Variants in CDYL2 observed in about 807,000 individuals in gnomAD.
CDYL2 encodes the protein chromodomain Y like 2.
Under a neutral mutation model 49.4 loss-of-function variants are expected in CDYL2, and 23 were observed. The ratio of observed to expected loss-of-function variants is 0.47; its 90% CI spans 0.34 to 0.66. The LOEUF (loss-of-function observed/expected upper bound fraction) is 0.66. Among genes scored for constraint, CDYL2 ranks in the 30% least tolerant of loss-of-function variants. The pLI is 0.01. For missense variants in CDYL2, 678 were observed against 656.4 expected, an observed-to-expected ratio of 1.03 and a Z score of -0.36; for synonymous variants, 360 against 268.8, an observed-to-expected ratio of 1.34 and a Z score of -3.32.
intron 2 of CDYL2, among the ~76,000 whole-genome samples, chr16:80,655,752 G>C (rs752804788): frequency 1.3e-5 from 2 of 152,146 alleles, no homozygotes; most frequent in Non-Finnish European, 2.9e-5. Flanking sequence ...TTCAAAATGT[G>C]TGCAATTCTG....
At position 80,602,790 on chromosome 16, in the gene CDYL2, GA is replaced by G. The variant is rs1373200524; in HGVS notation, c.*1597del. 2 of 152,106 alleles carry G rather than the reference GA, an allele frequency of 1.3e-5. No individual in the cohort carries two copies. The highest frequency in any genetic ancestry group is 2.4e-5 in the African/African-American group (1 of 41,406). The allele number at this position is 152,106 out of a possible 1,614,324, so 9.4% of individuals were successfully genotyped here. ...ATACGCAGGGGCTGTGATAGAAACG[GA>G]AAAAAATCCCTCCATCCTGAGAATC... On this transcript the variant is annotated 3_prime_UTR_variant, in exon 7 of 7. Transcript: ENST00000570137.
intron 1 of CDYL2, among the ~76,000 whole-genome samples, chr16:80,774,082 C>A (rs976095810): frequency 6.6e-6 from 1 of 151,840 alleles, no homozygotes; most frequent in African/African-American, 2.4e-5. Flanking sequence ...TTAAAGTGCA[C>A]ATTTATAATT....
At chr16:80,671,442 G>T (rs978365092) in intron 2 of CDYL2, among the ~76,000 whole-genome samples, 11 of 152,160 alleles carry the variant, frequency 7.2e-5, no homozygotes, top group African/African-American at 2.7e-4. Context: ...CCTGCACCTG[G>T]CCCCAGCCTG....
At chr16:80,695,973 A>C (rs1597180570) in intron 1 of CDYL2, among the ~76,000 whole-genome samples, 1 of 152,236 alleles carries the variant, frequency 6.6e-6, no homozygotes. Context: ...CACATGAAGC[A>C]TTCTCCAGGA....
At chr16:80,773,097 A>C (rs943000266) in intron 1 of CDYL2, among the ~76,000 whole-genome samples, 8 of 152,198 alleles carry the variant, frequency 5.3e-5, no homozygotes, top group Admixed American at 2.0e-4. Flanking sequence ...AAAGGTGAAA[A>C]CAAAATGACA....
At chr16:80,775,731 G>A (rs1292697823) in intron 1 of CDYL2, among the ~76,000 whole-genome samples, 2 of 151,804 alleles carry the variant, frequency 1.3e-5, no homozygotes, top group Non-Finnish European at 2.9e-5. Flanking sequence ...AATACATCTA[G>A]AAGGAGAACC....
At chr16:80,793,177 C>T (rs1597136446) in intron 1 of CDYL2, among the ~76,000 whole-genome samples, 1 of 152,312 alleles carries the variant, frequency 6.6e-6, no homozygotes, top group East Asian at 1.9e-4. Flanking sequence ...AGGCCAGCCA[C>T]TGAGGCTAGA....
chr16:80,781,840 T>C (rs1448712583), intron 1 of CDYL2, among the ~76,000 whole-genome samples: 1 of 151,878 alleles, frequency 6.6e-6, no homozygotes, highest in Non-Finnish European at 1.5e-5. Context: ...TTAGGAAATA[T>C]CTTGAGACAA....
intron 1 of CDYL2, among the ~76,000 whole-genome samples, chr16:80,748,183 T>C (rs1181408102): frequency 4.1e-5 from 6 of 148,116 alleles, no homozygotes; most frequent in Non-Finnish European, 8.9e-5. Context: ...GAAAAGAGCA[T>C]AGGCTTGGGG....
chr16:80,743,159 A>G (rs897261392), intron 1 of CDYL2, among the ~76,000 whole-genome samples: 2 of 152,178 alleles, frequency 1.3e-5, no homozygotes, highest in Non-Finnish European at 2.9e-5. Flanking sequence ...ATTGAACATC[A>G]ACTTCATGGT....
intron 1 of CDYL2, among the ~76,000 whole-genome samples, chr16:80,696,433 T>A (rs923619769): frequency 3.3e-5 from 5 of 151,758 alleles, no homozygotes; most frequent in Non-Finnish European, 7.4e-5. Flanking sequence ...AACAATACAG[T>A]TTTTTTTAAA....
intron 4 of CDYL2, among the ~76,000 whole-genome samples, chr16:80,618,324 C>G (rs1380482640): frequency 6.6e-6 from 1 of 152,240 alleles, no homozygotes; most frequent in Non-Finnish European, 1.5e-5. Context: ...CCATCTGCCT[C>G]TGACACCTCT....
At chr16:80,765,187 T>C (rs1906678286) in intron 1 of CDYL2, among the ~76,000 whole-genome samples, 1 of 146,834 alleles carries the variant, frequency 6.8e-6, no homozygotes, top group African/African-American at 2.5e-5. Context: ...TATAATAATA[T>C]ACTGGTTATA....
At chr16:80,678,573 C>T (rs1416351811) in intron 2 of CDYL2, among the ~76,000 whole-genome samples, 6 of 151,368 alleles carry the variant, frequency 4.0e-5, no homozygotes, top group South Asian at 2.1e-4. Flanking sequence ...TACCATCTCA[C>T]ACCAGTTAGA....
intron 1 of CDYL2, among the ~76,000 whole-genome samples, chr16:80,765,876 C>CAAAAA (rs554710623): frequency 4.0e-4 from 19 of 47,090 alleles, no homozygotes; most frequent in East Asian, 7.6e-4. Flanking sequence ...CCCTCATCTA[C>CAAAAA]AAAAAAAAAA....
At chr16:80,626,191 AGCAGAAGGATGGGAG>A (rs1248023237) in intron 3 of CDYL2, among the ~76,000 whole-genome samples, 1 of 150,550 alleles carries the variant, frequency 6.6e-6, no homozygotes, top group African/African-American at 2.4e-5. Context: ...CCAGCTCTTC[AGCAGAAGGATGGGAG>A]GCAGAGGTTG....
intron 1 of CDYL2, among the ~76,000 whole-genome samples, chr16:80,775,881 TA>T (rs1907066207): frequency 1.3e-5 from 2 of 151,358 alleles, no homozygotes; most frequent in Admixed American, 6.6e-5. Flanking sequence ...TTATATAAAA[TA>T]AATATCAACT....
chr16:80,613,410 A>C (rs938168336), intron 4 of CDYL2, among the ~76,000 whole-genome samples: 2 of 152,150 alleles, frequency 1.3e-5, no homozygotes, highest in African/African-American at 2.4e-5. Context: ...TGGTGGGTAC[A>C]TGTTGGGATT....
chr16:80,745,761 T>C (rs1905907166), intron 1 of CDYL2, among the ~76,000 whole-genome samples: 1 of 152,206 alleles, frequency 6.6e-6, no homozygotes, highest in African/African-American at 2.4e-5. Flanking sequence ...CTGTGATGCC[T>C]CTGGAGAAAT....
Sources: allele counts gnomAD v4.1 joint callset (sites outside exome capture counted in the v4.1 genomes callset), GRCh38; gene constraint gnomAD v4.1.1; transcripts MANE v1.5; gene names NCBI Gene and HGNC (gene_info 2026-07-23, HGNC 2026-07-21).